EFL1: variants seen among roughly 807,000 people sequenced by gnomAD.
The protein encoded by EFL1 is elongation factor like GTPase 1.
In EFL1, 76 loss-of-function variants were observed where a neutral mutation model predicts 126.7. That is an observed-to-expected ratio of 0.60 (90% confidence interval 0.50 to 0.73). The LOEUF (loss-of-function observed/expected upper bound fraction) is 0.73. Among genes scored for constraint, EFL1 ranks in the 30% least tolerant of loss-of-function variants. The probability of loss-of-function intolerance (pLI) is 0.00; values close to 1 mark genes in which losing one functional copy is unlikely to be tolerated. For synonymous variants in EFL1, 410 were observed against 448.4 expected (o/e 0.91, Z 1.08); for missense variants, 1,128 against 1,343.2 (o/e 0.84, Z 2.50).
At chr15:82,141,599 G>T (rs2654223) in intron 18 of EFL1, among the ~76,000 whole-genome samples, 7 of 151,108 alleles carry the variant, frequency 4.6e-5, no homozygotes, top group Non-Finnish European at 8.9e-5. Context: ...AGGAGAACTT[G>T]GGAGGTGGAG....
rs541699664 is a variant in EFL1 at position 82,182,929 on chromosome 15, C to T, written c.1751-18945G>A. ...GTGAAGGCACCAGCGTACGAACAAT[C>T]GTGAGGAAAATTAGGCATCCAACCT... On this transcript the variant is annotated intron_variant, in intron 15 of 19. Transcript: ENST00000268206. 3.1e-4 allele frequency among the ~76,000 whole-genome samples: 47 copies of T among 152,174 alleles called. No homozygotes were observed. In the South Asian group the frequency reaches 6.9e-3, roughly 22 times the overall value.
At chr15:82,179,869 A>G (rs1359549186) in intron 15 of EFL1, among the ~76,000 whole-genome samples, 10 of 152,030 alleles carry the variant, frequency 6.6e-5, no homozygotes, top group Admixed American at 3.3e-4. Context: ...CAATAATTCC[A>G]AAGAGACCAG....
At chr15:82,230,790 T>C (rs1438407721) in intron 8 of EFL1, 58 bp downstream of exon 8, 2 of 1,541,102 alleles carry the variant, frequency 1.3e-6, no homozygotes, top group Non-Finnish European at 8.7e-7. Flanking sequence ...TATTACAGTA[T>C]AGGTTTTCAT....
chr15:82,166,712 C>G (rs1424876475), intron 15 of EFL1, among the ~76,000 whole-genome samples: 2 of 152,154 alleles, frequency 1.3e-5, no homozygotes, highest in Non-Finnish European at 2.9e-5. Flanking sequence ...ACCCACAATC[C>G]CATCATTCTA....
chr15:82,221,708 T>C (rs368947882), intron 12 of EFL1, among the ~76,000 whole-genome samples: 2 of 152,230 alleles, frequency 1.3e-5, no homozygotes, highest in African/African-American at 2.4e-5. Flanking sequence ...TCAGGTGTCT[T>C]GTTAGGCAAT....
chr15:82,221,552 T>C, intron 12 of EFL1, among the ~76,000 whole-genome samples: 1 of 152,202 alleles, frequency 6.6e-6, no homozygotes, highest in East Asian at 1.9e-4. Flanking sequence ...TAGACACTAC[T>C]TCTGCCTTCC....
chr15:82,164,836 G>A (rs1287530766), intron 15 of EFL1, among the ~76,000 whole-genome samples: 1 of 150,898 alleles, frequency 6.6e-6, no homozygotes, highest in African/African-American at 2.4e-5. Flanking sequence ...GGCGGGGGAT[G>A]CAGTGAGCCA....
intron 15 of EFL1, among the ~76,000 whole-genome samples, chr15:82,170,579 G>C (rs1404405975): frequency 6.6e-6 from 1 of 152,194 alleles, no homozygotes; most frequent in South Asian, 2.1e-4. Context: ...ATGTTATAAA[G>C]TTCTAACCTT....
intron 19 of EFL1, among the ~76,000 whole-genome samples, chr15:82,131,149 T>C (rs1302248521): frequency 6.6e-6 from 1 of 152,222 alleles, no homozygotes; most frequent in Non-Finnish European, 1.5e-5. Context: ...AAGAAAACTA[T>C]TAATTTTTCA....
chr15:82,260,676 T>C (rs561198708), intron 2 of EFL1, among the ~76,000 whole-genome samples: 1 of 152,316 alleles, frequency 6.6e-6, no homozygotes, highest in South Asian at 2.1e-4. Context: ...ACAGATGCTG[T>C]ATATTGAAGC....
chr15:82,240,532 A>C lies in EFL1; in HGVS notation c.402T>G (p.Ala134=), dbSNP rs1334117327. Residue 134 remains alanine, a synonymous_variant, in exon 6 of 20, where the codon GCT becomes GCG. Coordinates refer to ENST00000268206, the MANE Select transcript of EFL1 (RefSeq NM_024580.6). Reference sequence around the variant, plus strand: ...AAACCGGACGGATGTTTTCAAGCCAAGCTTGTCGCAGAACTGCCTGTGTCT... The same window carrying C: ...AAACCGGACGGATGTTTTCAAGCCACGCTTGTCGCAGAACTGCCTGTGTCT... ...CPQTQAVLRQ[A]WLENIRPVLV... 1 of 1,613,978 alleles carries C rather than the reference A, an allele frequency of 6.2e-7. No individual in the cohort carries two copies. Among genetic ancestry groups the C allele is most frequent in the East Asian group, 2.2e-5 (1 of 44,884 alleles).
intron 15 of EFL1, among the ~76,000 whole-genome samples, chr15:82,210,158 A>G (rs1237356139): frequency 6.6e-6 from 1 of 152,246 alleles, no homozygotes; most frequent in Non-Finnish European, 1.5e-5. Context: ...GTCTGTTAAA[A>G]TGCAAAAGGA....
At chr15:82,214,930 C>G in intron 14 of EFL1, 75 bp from the exon 15 acceptor site, 1 of 1,488,254 alleles carries the variant, frequency 6.7e-7, no homozygotes, top group Non-Finnish European at 9.0e-7. Context: ...AAAGTTACTT[C>G]TATTCATCAG....
intron 15 of EFL1, among the ~76,000 whole-genome samples, chr15:82,209,308 CAG>C (rs1336251547): frequency 8.6e-6 from 1 of 116,194 alleles, no homozygotes; most frequent in Non-Finnish European, 1.8e-5. Flanking sequence ...GATTCACACA[CAG>C]ACACAGACAC....
At position 82,252,714 on chromosome 15, in the gene EFL1, G is replaced by A. The variant is rs757427631; in HGVS notation, c.221C>T (p.Ala74Val). 1 of 1,612,926 alleles carries A rather than the reference G, an allele frequency of 6.2e-7. No individual in the cohort carries two copies. Among genetic ancestry groups the A allele is most frequent in the Non-Finnish European group, 8.5e-7 (1 of 1,178,966 alleles). The change falls in exon 4 of 20, where the codon GCC (alanine) becomes GTC (valine). Residue 74 changes from alanine (A) to valine (V), a missense_variant. Transcript: ENST00000268206. ...QIRGITMKSS[A>V]ISLHYATGNE... is the part of the protein sequence containing the mutation. ...ACCTGTTGCATAATGTAGGGAAATG[G>A]CACTGGATTTCATAGTGATCCCTCG...
intron 10 of EFL1, among the ~76,000 whole-genome samples, chr15:82,227,958 A>G (rs1426026094): frequency 6.6e-6 from 1 of 152,202 alleles, no homozygotes; most frequent in Non-Finnish European, 1.5e-5. Flanking sequence ...AACAAACACA[A>G]AAAGAATAGT....
At chr15:82,134,115 T>TA (rs2073693275) in intron 19 of EFL1, among the ~76,000 whole-genome samples, 1 of 152,328 alleles carries the variant, frequency 6.6e-6, no homozygotes, top group Non-Finnish European at 1.5e-5. Context: ...AAAGTCCCAA[T>TA]ATCATATGAC....
chr15:82,175,594 T>C (rs2074186480), intron 15 of EFL1, among the ~76,000 whole-genome samples: 1 of 152,172 alleles, frequency 6.6e-6, no homozygotes, highest in South Asian at 2.1e-4. Flanking sequence ...AAACACAGTA[T>C]TGGCCGGGTG....
Position 82,247,241 on chromosome 15 carries a change from C to G in EFL1, c.244+5450G>C, listed in dbSNP as rs188193974. The stretch of plus-strand genomic sequence containing the variant: ...AAGGAAGTATTTAAGTTTGAAAGGT[C>G]GAAGATGGATAGCTCAAGGTGATGC... On this transcript the variant is annotated intron_variant, in intron 4 of 19. Coordinates refer to ENST00000268206, the MANE Select transcript of EFL1 (RefSeq NM_024580.6). Among the ~76,000 whole-genome samples, 17 of 152,104 alleles carry G rather than the reference C, an allele frequency of 1.1e-4. No individual in the cohort carries two copies. In the East Asian group the frequency reaches 2.5e-3, roughly 22 times the overall value.
Sources: allele counts gnomAD v4.1 joint callset (sites outside exome capture counted in the v4.1 genomes callset), GRCh38; gene constraint gnomAD v4.1.1; transcripts MANE v1.5; gene names NCBI Gene and HGNC (gene_info 2026-07-23, HGNC 2026-07-21).